Variants in PDK1 observed in about 807,000 individuals in gnomAD.
The protein encoded by PDK1 is pyruvate dehydrogenase kinase 1.
PDK1 carries 39 observed loss-of-function variants against 54.2 expected under a neutral mutation model. That is an observed-to-expected ratio of 0.72 (90% CI 0.56 to 0.94). The LOEUF (loss-of-function observed/expected upper bound fraction) is 0.94, where lower values mean the gene tolerates loss of function less well. Ranked by LOEUF, PDK1 falls within the 40% of genes least tolerant of loss-of-function variation. The pLI, the probability that PDK1 is intolerant of heterozygous loss-of-function variation, is 0.00. For missense variants in PDK1, 552 were observed against 566.0 expected (o/e 0.98, Z 0.25); for synonymous variants, 221 against 207.1 (o/e 1.07, Z -0.58).
At chr2:172,619,449 C>T in the PDK1 span, among the ~76,000 whole-genome samples, 22 of 151,918 alleles carry the variant, frequency 1.4e-4, no homozygotes, top group Non-Finnish European at 2.6e-4. Flanking sequence ...CTCATTTTCC[C>T]CCATTAAATT....
the PDK1 span, among the ~76,000 whole-genome samples, chr2:172,622,152 A>ATC: frequency 0.052 from 6,897 of 132,688 alleles, 448 homozygotes; most frequent in Middle Eastern, 0.11. Context: ...ATATGTTTAT[A>ATC]TCATATATTA....
chr2:172,703,381 T>C, the PDK1 span, among the ~76,000 whole-genome samples: 1 of 152,226 alleles, frequency 6.6e-6, no homozygotes, highest in African/African-American at 2.4e-5. Context: ...TAGTAATTTG[T>C]TACTGCAGCC....
the PDK1 span, among the ~76,000 whole-genome samples, chr2:172,653,341 G>A: frequency 6.6e-6 from 1 of 152,120 alleles, no homozygotes; most frequent in Non-Finnish European, 1.5e-5. Flanking sequence ...AGTGGCTCAT[G>A]CCTGTAATCC....
At chr2:172,660,333 T>G in the PDK1 span, among the ~76,000 whole-genome samples, 1 of 134,814 alleles carries the variant, frequency 7.4e-6, no homozygotes, top group Non-Finnish European at 1.5e-5. Context: ...CTCGGCTCAC[T>G]GCAACCTCTG....
At chr2:172,577,837 A>G (rs1363168637) in intron 8 of PDK1, among the ~76,000 whole-genome samples, 1 of 152,216 alleles carries the variant, frequency 6.6e-6, no homozygotes, top group Non-Finnish European at 1.5e-5. Context: ...TTTAAATCAG[A>G]TAGGACACAA....
At chr2:172,656,612 A>G in the PDK1 span, among the ~76,000 whole-genome samples, 1 of 152,136 alleles carries the variant, frequency 6.6e-6, no homozygotes, top group Non-Finnish European at 1.5e-5. Flanking sequence ...ATATTGCAAA[A>G]TAGTTCCCCC....
rs1688467395 is a variant in PDK1, at chr2:172,558,385, C to G, written c.197-323C>G. 1.4e-5 allele frequency: 3 copies of G among 207,538 alleles called. No homozygotes were observed. The South Asian group carries it at 4.5e-4, about 31-fold the overall frequency. The allele number at this position is 207,538 out of a possible 1,614,324, so 12.9% of individuals were successfully genotyped here. A position where few individuals can be genotyped will look rare whatever the true frequency, so the allele number is the denominator to read the frequency against. ...GGTTCTGCTGTTAATTTTATAAAGC[C>G]TTGCTCAGACATGCTCAGGTTACCT... On this transcript the variant is annotated intron_variant, in intron 1 of 10. Transcript: ENST00000282077.
At chr2:172,580,368 G>A (rs987306709) in intron 8 of PDK1, among the ~76,000 whole-genome samples, 3 of 151,522 alleles carry the variant, frequency 2.0e-5, no homozygotes, top group African/African-American at 4.9e-5. Context: ...GGCTTAAGTT[G>A]TGCTGCAGCA....
Position 172,592,961 on chromosome 2 carries a change from A to C in PDK1, c.1083A>C (p.Ile361=). ...CTGGTTTTGGTTATGGATTGCCCAT[A>C]TCACGTCTTTACGCACAATACTTCC... ...PLAGFGYGLP[I]SRLYAQYFQG... is the part of the protein sequence containing the mutation. The change falls in exon 10 of 11, where the codon ATA becomes ATC. Residue 361 remains isoleucine (I), a synonymous_variant. Coordinates refer to ENST00000282077, the MANE Select transcript of PDK1 (RefSeq NM_002610.5). 6.2e-7 allele frequency: 1 copy of C among 1,612,198 alleles called. No individual in the cohort carries two copies. Among genetic ancestry groups the C allele is most frequent in the Non-Finnish European group, 8.5e-7 (1 of 1,178,484 alleles).
the PDK1 span, among the ~76,000 whole-genome samples, chr2:172,686,227 G>A: frequency 1.3e-5 from 2 of 152,212 alleles, no homozygotes; most frequent in Non-Finnish European, 2.9e-5. Context: ...CAGCCATAGA[G>A]ATACACTGCT....
chr2:172,633,465 C>T, the PDK1 span, among the ~76,000 whole-genome samples: 4 of 142,312 alleles, frequency 2.8e-5, no homozygotes, highest in Non-Finnish European at 3.0e-5. Flanking sequence ...TCTAGAAATG[C>T]TTATTAACTT....
chr2:172,580,761 A>G (rs1689859898), intron 8 of PDK1, among the ~76,000 whole-genome samples: 1 of 152,244 alleles, frequency 6.6e-6, no homozygotes, highest in Non-Finnish European at 1.5e-5. Flanking sequence ...ACAGTGGAAT[A>G]TTATTTGGCC....
chr2:172,654,836 C>T, the PDK1 span, among the ~76,000 whole-genome samples: 1 of 152,124 alleles, frequency 6.6e-6, no homozygotes, highest in African/African-American at 2.4e-5. Flanking sequence ...TCTACGGCCT[C>T]CCTACCTGGC....
the PDK1 span, among the ~76,000 whole-genome samples, chr2:172,617,228 C>G: frequency 6.6e-6 from 1 of 152,106 alleles, no homozygotes; most frequent in African/African-American, 2.4e-5. Context: ...GCTAAGATTA[C>G]AGGCATGAGC....
At chr2:172,698,424 G>C in the PDK1 span, among the ~76,000 whole-genome samples, 3 of 152,290 alleles carry the variant, frequency 2.0e-5, no homozygotes, top group South Asian at 6.2e-4. Flanking sequence ...CCTCAGCAAC[G>C]TCTGGTCTTC....
At chr2:172,676,971 A>G in the PDK1 span, among the ~76,000 whole-genome samples, 1 of 152,224 alleles carries the variant, frequency 6.6e-6, no homozygotes, top group Non-Finnish European at 1.5e-5. Context: ...AAAGATTACA[A>G]CTCACTGAAG....
At chr2:172,557,766 T>C (rs558982774) in intron 1 of PDK1, among the ~76,000 whole-genome samples, 1 of 151,598 alleles carries the variant, frequency 6.6e-6, no homozygotes, top group Admixed American at 6.6e-5. Flanking sequence ...TGAGCCACCA[T>C]GCCCGGACTG....
chr2:172,616,872 G>T, the PDK1 span, among the ~76,000 whole-genome samples: 1 of 152,108 alleles, frequency 6.6e-6, no homozygotes, highest in African/African-American at 2.4e-5. Context: ...AACAAAAGCA[G>T]AACATGGTAT....
chr2:172,687,659 C>T, the PDK1 span, among the ~76,000 whole-genome samples: 20 of 152,196 alleles, frequency 1.3e-4, no homozygotes, highest in South Asian at 1.2e-3. Context: ...GGGGTCTGAG[C>T]GCTTGGTTTA....
Sources: gnomAD v4.1 joint callset for allele counts (sites outside exome capture counted in the v4.1 genomes callset) on GRCh38, gnomAD v4.1.1 for gene constraint, MANE v1.5 for transcripts, NCBI Gene and HGNC (gene_info 2026-07-23, HGNC 2026-07-21) for gene names.